Variants in NETO2 observed in about 807,000 individuals in gnomAD.
NETO2 encodes neuropilin and tolloid-like protein 2.
Under a neutral mutation model 62.5 loss-of-function variants are expected in NETO2, and 28 were observed. The observed-to-expected ratio is 0.45, with a 90% CI of 0.33 to 0.61. The LOEUF (loss-of-function observed/expected upper bound fraction) is 0.61, where lower values mean the gene tolerates loss of function less well. NETO2 is among the 20% of genes least tolerant of loss of function. The pLI is 0.02. For missense variants in NETO2, 548 were observed against 643.2 expected (o/e 0.85, Z 1.60); for synonymous variants, 214 against 219.1 (o/e 0.98, Z 0.21).
chr16:47,128,538 C>T lies in NETO2; in HGVS notation c.268G>A (p.Glu90Lys). Residue 90 changes from glutamate (E) to lysine (K), a missense_variant, in exon 4 of 9, where the codon GAA (glutamate) becomes AAA (lysine). Glu to Lys is a moderately conservative substitution (Grantham distance 56, BLOSUM62 1). Coordinates refer to ENST00000562435, the MANE Select transcript of NETO2 (RefSeq NM_018092.5). ...PRQRIELTFD[E>K]HYYIEPSFEC... The stretch of plus-strand genomic sequence containing the variant: ...AATGATGGTTCTATATAATAATGTT[C>T]ATCAAAGGTCAACTCTATTCTTTGA... 6.2e-7 allele frequency: 1 copy of T among 1,613,378 alleles called. No homozygotes were observed. The highest frequency in any genetic ancestry group is 8.5e-7 in the Non-Finnish European group (1 of 1,179,926).
intron 1 of NETO2, among the ~76,000 whole-genome samples, chr16:47,143,281 G>C (rs1447510526): frequency 1.3e-5 from 2 of 152,016 alleles, no homozygotes; most frequent in African/African-American, 4.8e-5. Flanking sequence ...GCGCAGCCCG[G>C]AGGGCCCTGC....
intron 2 of NETO2, among the ~76,000 whole-genome samples, 186 bp from the exon 3 acceptor site, chr16:47,129,550 GGA>G (rs1317453831): frequency 2.6e-5 from 4 of 152,120 alleles, no homozygotes; most frequent in Admixed American, 6.6e-5. Flanking sequence ...AAACTTGCTG[GGA>G]GAGGACAAGT....
chr16:47,140,689 C>T (rs1025246778), intron 1 of NETO2, among the ~76,000 whole-genome samples: 1 of 152,068 alleles, frequency 6.6e-6, no homozygotes, highest in Non-Finnish European at 1.5e-5. Context: ...TTTAATAAGG[C>T]TTTAGTATTA....
chr16:47,132,319 G>C (rs1461220296), intron 1 of NETO2, among the ~76,000 whole-genome samples: 1 of 151,162 alleles, frequency 6.6e-6, no homozygotes, highest in Non-Finnish European at 1.5e-5. Context: ...AAAAACACTT[G>C]TTTTTTGCAA....
intron 1 of NETO2, among the ~76,000 whole-genome samples, chr16:47,140,978 C>CTT (rs1453238335): frequency 6.6e-6 from 1 of 152,170 alleles, no homozygotes; most frequent in African/African-American, 2.4e-5. Flanking sequence ...GACTATAATG[C>CTT]TTAGTTAACC....
chr16:47,128,625 A>C, intron 3 of NETO2, 52 bp from the exon 4 acceptor site: 2 of 1,570,788 alleles, frequency 1.3e-6, no homozygotes, highest in Non-Finnish European at 8.6e-7. Flanking sequence ...AAAGAATATA[A>C]ATGTATTGAC....
At chr16:47,090,255 T>C (rs1963284899) in intron 7 of NETO2, among the ~76,000 whole-genome samples, 1 of 152,204 alleles carries the variant, frequency 6.6e-6, no homozygotes, top group African/African-American at 2.4e-5. Context: ...CCATATTATT[T>C]AAAGTGATTA....
intron 7 of NETO2, 84 bp downstream of exon 7, chr16:47,109,399 T>C (rs1963740790): frequency 1.3e-6 from 1 of 795,314 alleles, no homozygotes; most frequent in African/African-American, 1.8e-5. Flanking sequence ...AAAATAAATA[T>C]TTTAAAAAAG....
In NETO2 at chr16:47,109,762, A is replaced by G. The variant is rs147166907; in HGVS notation, c.655-51T>C. On this transcript the variant is annotated intron_variant, in intron 6 of 8. Transcript: ENST00000562435. ...CTTTTAAAAAGATATATTAATTTGA[A>G]TTTTTCTATTTCTATTTTCCACAGA... 2.5e-3 allele frequency: 3,267 copies of G among 1,322,408 alleles called. 37 individuals are homozygous for G. Among genetic ancestry groups the G allele is most frequent in the East Asian group, 0.024 (977 of 41,300 alleles). 81.9% of individuals were successfully genotyped at this position (1,322,408 alleles called of 1,614,324 possible).
chr16:47,129,104 A>C, intron 3 of NETO2, 120 bp downstream of exon 3: 2 of 891,768 alleles, frequency 2.2e-6, no homozygotes, highest in Non-Finnish European at 3.5e-6. Context: ...TCATTACTAC[A>C]GTTTAATTCA....
intron 4 of NETO2, among the ~76,000 whole-genome samples, chr16:47,126,380 G>A (rs1357285604): frequency 1.3e-5 from 2 of 152,160 alleles, no homozygotes; most frequent in Non-Finnish European, 2.9e-5. Context: ...ACTGGAAAAG[G>A]CTCCATACTG....
chr16:47,118,749 C>T (rs1398765361), intron 6 of NETO2, among the ~76,000 whole-genome samples: 2 of 152,222 alleles, frequency 1.3e-5, no homozygotes, highest in Non-Finnish European at 2.9e-5. Context: ...CTCCTAACTT[C>T]TACCTCTTAC....
At chr16:47,132,954 G>A (rs1037484533) in intron 1 of NETO2, among the ~76,000 whole-genome samples, 5 of 152,188 alleles carry the variant, frequency 3.3e-5, no homozygotes, top group African/African-American at 7.2e-5. Flanking sequence ...TGGAGATGAC[G>A]TATAAATAGG....
chr16:47,089,451 A>G (rs963955488), intron 7 of NETO2, among the ~76,000 whole-genome samples: 4 of 152,248 alleles, frequency 2.6e-5, no homozygotes, highest in African/African-American at 7.2e-5. Flanking sequence ...TGGTTCCAAA[A>G]TTTGATGAGA....
At chr16:47,108,754 T>C (rs1197470816) in intron 7 of NETO2, among the ~76,000 whole-genome samples, 5 of 152,240 alleles carry the variant, frequency 3.3e-5, no homozygotes, top group Non-Finnish European at 7.3e-5. Context: ...GACCGGTCTA[T>C]AGCTTAGTTA....
chr16:47,083,469 C>T lies in NETO2; in HGVS notation c.1330G>A (p.Ala444Thr). The part of the protein sequence containing the change: ...CIHDHHCGSQ[A>T]SSVKQSRTNL... ...GTCCTGCTTTGTTTGACGCTGGAGG[C>T]CTGCGACCCACAGTGGTGGTCGTGG... The change falls in exon 9 of 9, where the codon GCC (alanine) becomes ACC (threonine). Residue 444 changes from alanine to threonine, a missense_variant. By Grantham distance (58) the Ala-to-Thr change is moderately conservative (BLOSUM62 0). Coordinates refer to ENST00000562435, the MANE Select transcript of NETO2 (RefSeq NM_018092.5). 1.2e-6 allele frequency: 2 copies of T among 1,614,176 alleles called. No individual in the cohort carries two copies. The highest frequency in any genetic ancestry group is 8.5e-7 in the Non-Finnish European group (1 of 1,180,020).
intron 1 of NETO2, among the ~76,000 whole-genome samples, chr16:47,132,975 T>G (rs900230056): frequency 6.6e-6 from 1 of 152,222 alleles, no homozygotes. Context: ...TCAACCTCAT[T>G]GGTGGTTGTG....
intron 7 of NETO2, among the ~76,000 whole-genome samples, chr16:47,101,084 A>G (rs541475645): frequency 1.3e-5 from 2 of 152,362 alleles, no homozygotes; most frequent in South Asian, 4.1e-4. Flanking sequence ...CCAGCAGCAC[A>G]TCAAAAAGCA....
At position 47,143,714 on chromosome 16, in the gene NETO2, T is replaced by C; in HGVS notation, c.-102A>G. ...CGGCGACGGCCCCACTCCGTCCCCA[T>C]CGCCGGCCAGCAGCTGCCTCCCCGC... On this transcript the variant is annotated 5_prime_UTR_variant, in exon 1 of 9. It removes an upstream start codon present in the reference 5' UTR. Coordinates refer to ENST00000562435, the MANE Select transcript of NETO2 (RefSeq NM_018092.5). 1 of 1,198,248 alleles carries C rather than the reference T, an allele frequency of 8.3e-7. No individual in the cohort carries two copies. Among genetic ancestry groups the C allele is most frequent in the Admixed American group, 4.4e-5 (1 of 22,836 alleles). 74.2% of individuals were successfully genotyped at this position (1,198,248 alleles called of 1,614,324 possible). A position where few individuals can be genotyped will look rare whatever the true frequency, so the allele number is the denominator to read the frequency against.
Sources: gnomAD v4.1 joint callset for allele counts (sites outside exome capture counted in the v4.1 genomes callset) on GRCh38, gnomAD v4.1.1 for gene constraint, MANE v1.5 for transcripts, NCBI Gene and HGNC (gene_info 2026-07-23, HGNC 2026-07-21) for gene names.